The following MRTO4 variants were observed in gnomAD, a reference collection of about 807,000 sequenced individuals.
MRTO4 encodes the protein mRNA turnover protein 4 homolog.
A neutral mutation model predicts 28.6 loss-of-function variants in MRTO4; 7 were observed. The observed-to-expected ratio is 0.24, with a 90% confidence interval of 0.14 to 0.46. The LOEUF is 0.46. MRTO4 is among the 20% of genes least tolerant of loss of function. The pLI is 0.99. For missense variants in MRTO4, 302 were observed against 298.3 expected (o/e 1.01, Z -0.09); for synonymous variants, 113 against 108.2 (o/e 1.04, Z -0.27).
At chr1:19,252,775 C>A (rs913203333) in intron 1 of MRTO4, among the ~76,000 whole-genome samples, 1 of 152,226 alleles carries the variant, frequency 6.6e-6, no homozygotes, top group Non-Finnish European at 1.5e-5. Flanking sequence ...CTCAACCTCC[C>A]GAGTAGCTGA....
At chr1:19,257,782 C>T in intron 5 of MRTO4, 51 bp from the exon 6 acceptor site, 1 of 1,597,322 alleles carries the variant, frequency 6.3e-7, no homozygotes, top group East Asian at 2.2e-5. Context: ...GACTCATGGG[C>T]TGGTGGCGTG....
At chr1:19,258,441 G>C in intron 6 of MRTO4, 36 bp from the exon 7 acceptor site, 1 of 1,611,448 alleles carries the variant, frequency 6.2e-7, no homozygotes, top group Non-Finnish European at 8.5e-7. Flanking sequence ...GCAGGCCTCT[G>C]GGCCAGAGGT....
chr1:19,252,874 AAC>A (rs2093664732), intron 1 of MRTO4, among the ~76,000 whole-genome samples: 1 of 152,056 alleles, frequency 6.6e-6, no homozygotes, highest in Admixed American at 6.5e-5. Context: ...GCTGGTCTCG[AAC>A]ACCTGGGCTC....
intron 1 of MRTO4, among the ~76,000 whole-genome samples, chr1:19,254,329 C>T (rs921185892): frequency 6.6e-5 from 10 of 151,802 alleles, no homozygotes; most frequent in African/African-American, 2.4e-4. Flanking sequence ...CCTAGGAGCT[C>T]AAAGTTGCAG....
intron 2 of MRTO4, 109 bp downstream of exon 2, chr1:19,254,949 A>G (rs553514069): frequency 5.0e-4 from 142 of 282,384 alleles, no homozygotes; most frequent in South Asian, 3.9e-3. Flanking sequence ...ACTAGTGGGG[A>G]AAAAAAAAAA....
intron 6 of MRTO4, 112 bp downstream of exon 6, chr1:19,258,096 A>C: frequency 5.8e-4 from 792 of 1,361,010 alleles, no homozygotes; most frequent in Non-Finnish European, 7.2e-4. Context: ...CCATTTTCTC[A>C]TGAGAAAATG....
At chr1:19,255,340 A>G (rs140746023) in intron 2 of MRTO4, among the ~76,000 whole-genome samples, 36 of 152,126 alleles carry the variant, frequency 2.4e-4, no homozygotes, top group Non-Finnish European at 3.4e-4. Context: ...CAAAAAGAAA[A>G]GAAAAAAAAA....
chr1:19,257,808 T>C (rs772506428), intron 5 of MRTO4, 25 bp from the exon 6 acceptor site: 14 of 1,610,656 alleles, frequency 8.7e-6, no homozygotes, highest in Non-Finnish European at 1.2e-5. Flanking sequence ...GAGCATCTCC[T>C]CCTACCACTT....
chr1:19,258,026 C>T (rs1483737698), intron 6 of MRTO4, 42 bp downstream of exon 6: 1 of 1,599,600 alleles, frequency 6.3e-7, no homozygotes, highest in Non-Finnish European at 8.5e-7. Flanking sequence ...GCCTAGAGTC[C>T]AAGAGCACGG....
rs998356845 is a variant in MRTO4 at position 19,256,150 on chromosome 1, G to C, written c.191+99G>C. 1.8e-5 allele frequency: 18 copies of C among 986,238 alleles called. No individual in the cohort carries two copies. The African/African-American group carries it at 2.2e-4, about 12-fold the overall frequency. The allele number at this position is 986,238 out of a possible 1,614,324, so 61.1% of individuals were successfully genotyped here. A position where few individuals can be genotyped will look rare whatever the true frequency, so the allele number is the denominator to read the frequency against. On this transcript the variant is annotated intron_variant, in intron 3 of 7. Transcript: ENST00000330263. Reference sequence around the variant, plus strand: ...CAATTTCTGACCCTTTAGGTGCCTGGGTCATGCCGCTGACACCTTAATAAG... The same window carrying C: ...CAATTTCTGACCCTTTAGGTGCCTGCGTCATGCCGCTGACACCTTAATAAG...
chr1:19,258,428 T>C lies in MRTO4; in HGVS notation c.494-49T>C, dbSNP rs755137881. Reference sequence around the variant, plus strand: ...CCAACATGACCAGGGCAGAGAGGGCTCTGCAGGCCTCTGGGCCAGAGGTAA... The same window carrying C: ...CCAACATGACCAGGGCAGAGAGGGCCCTGCAGGCCTCTGGGCCAGAGGTAA... On this transcript the variant is annotated intron_variant, in intron 6 of 7. Coordinates refer to ENST00000330263, the MANE Select transcript of MRTO4 (RefSeq NM_016183.4). 4 of 1,606,682 alleles carry C rather than the reference T, an allele frequency of 2.5e-6. No homozygotes were observed. In the East Asian group the frequency reaches 8.9e-5, roughly 36 times the overall value.
chr1:19,258,242 G>A (rs2093674560), intron 6 of MRTO4, among the ~76,000 whole-genome samples: 1 of 152,176 alleles, frequency 6.6e-6, no homozygotes, highest in African/African-American at 2.4e-5. Context: ...CAGCCATGGT[G>A]GTGTGTGCCT....
chr1:19,255,922 T>C, intron 2 of MRTO4, 26 bp from the exon 3 acceptor site: 1 of 1,601,466 alleles, frequency 6.2e-7, no homozygotes, highest in Admixed American at 1.7e-5. Flanking sequence ...CTGCTTGAAC[T>C]CAGAGCCTCG....
At chr1:19,254,981 G>A in intron 2 of MRTO4, 141 bp downstream of exon 2, 1 of 683,896 alleles carries the variant, frequency 1.5e-6, no homozygotes, top group Non-Finnish European at 2.4e-6. Context: ...GCCAATCCAG[G>A]CCTTTTTCCT....
At position 19,257,530 on chromosome 1, in the gene MRTO4, T is replaced by A; in HGVS notation, c.341+9T>A. The A allele has an allele frequency of 1.2e-6, 2 of 1,614,130 alleles. No homozygotes were observed. The highest frequency in any genetic ancestry group is 1.7e-6 in the Non-Finnish European group (2 of 1,179,980). On this transcript the variant is annotated intron_variant, in intron 5 of 7. Transcript: ENST00000330263. ...AAGGAGGAGGTGAATGAGTAAGTACTGCTGAGGAACGGAGGGAAAGAGGCG... is the reference window on the plus strand; with the variant it reads ...AAGGAGGAGGTGAATGAGTAAGTACAGCTGAGGAACGGAGGGAAAGAGGCG...
In MRTO4 at chr1:19,254,818, T is replaced by G. The variant is rs779067703; in HGVS notation, c.65T>G (p.Leu22Trp). The G allele has an allele frequency of 5.0e-6, 8 of 1,609,380 alleles. No individual in the cohort carries two copies. Among genetic ancestry groups the G allele is most frequent in the South Asian group, 4.4e-5 (4 of 89,930 alleles). Residue 22 changes from leucine to tryptophan, a missense_variant, in exon 2 of 8, where the codon TTG becomes TGG. Leu to Trp is a moderately conservative substitution (Grantham distance 61). Coordinates refer to ENST00000330263, the MANE Select transcript of MRTO4 (RefSeq NM_016183.4). ...AAAACTGCCAAGAAAGGCTTGGAAT[T>G]GAAACAAAACCTGATAGAAGAGGTA... ...LTKTAKKGLELKQNLIEELRK... is the reference protein window; with the variant it reads ...LTKTAKKGLEWKQNLIEELRK...
intron 5 of MRTO4, 45 bp downstream of exon 5, chr1:19,257,566 G>A (rs1401960840): frequency 1.9e-6 from 3 of 1,606,098 alleles, no homozygotes; most frequent in African/African-American, 2.7e-5. Flanking sequence ...GGTGAGAGGG[G>A]ATTTCAGGGA....
chr1:19,252,085 T>C, intron 1 of MRTO4: 2 of 618,054 alleles, frequency 3.2e-6, no homozygotes, highest in Non-Finnish European at 5.4e-6. Context: ...TCGTTTTGCC[T>C]AGTTTCAGGT....
At chr1:19,257,248 A>C in intron 4 of MRTO4, 103 bp downstream of exon 4, 1 of 1,295,904 alleles carries the variant, frequency 7.7e-7, no homozygotes. Context: ...CCGGAGGCTC[A>C]GGGAGAGCAG....
Sources: allele counts gnomAD v4.1 joint callset (sites outside exome capture counted in the v4.1 genomes callset), GRCh38; gene constraint gnomAD v4.1.1; transcripts MANE v1.5; gene names NCBI Gene and HGNC (gene_info 2026-07-23, HGNC 2026-07-21).